The following TTC28 variants were observed in gnomAD, a reference collection of about 807,000 sequenced individuals.
TTC28 encodes the protein tetratricopeptide repeat domain 28, also known as tetratricopeptide repeat protein 28.
TTC28 carries 61 observed loss-of-function variants against 198.0 expected under a neutral mutation model. The observed-to-expected ratio is 0.31, with a 90% confidence interval of 0.25 to 0.38. The LOEUF is 0.38. TTC28 is among the 10% of genes least tolerant of loss of function. The pLI is 1.00. For missense variants in TTC28, 2,678 were observed against 3,164.0 expected, an observed-to-expected ratio of 0.85 and a Z score of 3.69; for synonymous variants, 1,171 against 1,297.8, an observed-to-expected ratio of 0.90 and a Z score of 2.10.
At chr22:28,329,732 C>A (rs576817640) in intron 2 of TTC28, among the ~76,000 whole-genome samples, 2 of 152,160 alleles carry the variant, frequency 1.3e-5, no homozygotes, top group South Asian at 4.2e-4. Context: ...CCAAATGGAC[C>A]AATCTGGGCA....
rs1316261928 is a variant in TTC28, at chr22:28,306,616, G to T, written c.409C>A (p.Gln137Lys). Residue 137 changes from glutamine to lysine, a missense_variant, in exon 3 of 23, where the codon CAG becomes AAG. This residue lies in a region of TTC28 where 176 missense variants were observed against 197.9 expected (regional missense o/e 0.89). Coordinates refer to ENST00000397906, the MANE Select transcript of TTC28 (RefSeq NM_001145418.2). ...KAYFRQGVAL[Q>K]YLGRHADALA... ...GCATCGGCATGACGTCCAAGGTACT[G>T]GAGGGCAACACCCTGTCGGAAGTAT... The T allele has an allele frequency of 6.4e-7, 1 of 1,551,464 alleles. No individual in the cohort carries two copies.
intron 5 of TTC28, among the ~76,000 whole-genome samples, chr22:28,269,586 T>C (rs1369432092): frequency 6.6e-6 from 1 of 152,200 alleles, no homozygotes; most frequent in Admixed American, 6.5e-5. Flanking sequence ...TGAAAAAATA[T>C]CAATTTTACT....
chr22:28,253,990 G>A (rs926926110), intron 5 of TTC28, among the ~76,000 whole-genome samples: 1 of 151,588 alleles, frequency 6.6e-6, no homozygotes, highest in Non-Finnish European at 1.5e-5. Context: ...TTGTAATCCC[G>A]CTACCTGGGA....
chr22:28,508,169 G>A (rs2048638326), intron 2 of TTC28, among the ~76,000 whole-genome samples: 2 of 149,948 alleles, frequency 1.3e-5, no homozygotes, highest in South Asian at 2.1e-4. Context: ...CACATGCAAA[G>A]ACAAACATAG....
At chr22:27,993,646 GC>G in intron 17 of TTC28, 128 bp from the exon 18 acceptor site, 1 of 918,344 alleles carries the variant, frequency 1.1e-6, no homozygotes, top group Non-Finnish European at 1.6e-6. Flanking sequence ...AGCCCACGTG[GC>G]CAGGCCTGAG....
chr22:28,527,284 C>T (rs974959979), intron 2 of TTC28, among the ~76,000 whole-genome samples: 2 of 152,176 alleles, frequency 1.3e-5, no homozygotes, highest in African/African-American at 4.8e-5. Flanking sequence ...ACTCCCTCTC[C>T]CAAAAGTTTG....
chr22:28,108,477 A>G (rs1304482603), intron 6 of TTC28, 74 bp from the exon 7 acceptor site: 29 of 1,280,324 alleles, frequency 2.3e-5, no homozygotes, highest in Non-Finnish European at 2.9e-5. Context: ...TGTAATTTGC[A>G]TCTCAATTTA....
chr22:28,195,639 A>AT (rs1310475770), intron 5 of TTC28, among the ~76,000 whole-genome samples: 1 of 63,742 alleles, frequency 1.6e-5, no homozygotes, highest in Non-Finnish European at 3.2e-5. Flanking sequence ...CTATACACCC[A>AT]TAACAGACAA....
chr22:28,151,219 T>C (rs989207615), intron 6 of TTC28, among the ~76,000 whole-genome samples: 6 of 152,216 alleles, frequency 3.9e-5, no homozygotes, highest in Admixed American at 3.3e-4. Context: ...AATTAAGTAA[T>C]TCATCAAGCC....
At chr22:28,209,496 G>A (rs1450602126) in intron 5 of TTC28, among the ~76,000 whole-genome samples, 2 of 152,166 alleles carry the variant, frequency 1.3e-5, no homozygotes, top group Non-Finnish European at 2.9e-5. Context: ...GATATACTGC[G>A]CCTGGATCAG....
chr22:28,329,420 A>G (rs1411542317), intron 2 of TTC28, among the ~76,000 whole-genome samples: 3 of 152,164 alleles, frequency 2.0e-5, no homozygotes, highest in African/African-American at 7.2e-5. Context: ...TTACATTATC[A>G]TCCTCATTAC....
rs559530516 is a variant in TTC28, at chr22:28,129,391, A to G, written c.1442-20988T>C. ...TTTGTAATGCTCCCCAGGTAACGCC[A>G]AAATGCAGCCACAGCTGAAATCCAC... On this transcript the variant is annotated intron_variant, in intron 6 of 22. Coordinates refer to ENST00000397906, the MANE Select transcript of TTC28 (RefSeq NM_001145418.2). 3.9e-5 allele frequency among the ~76,000 whole-genome samples: 6 copies of G among 152,354 alleles called. No individual in the cohort carries two copies. In the South Asian group the frequency reaches 1.2e-3, roughly 32 times the overall value.
intron 12 of TTC28, among the ~76,000 whole-genome samples, chr22:28,057,934 T>C (rs1417504125): frequency 2.0e-5 from 3 of 152,164 alleles, no homozygotes; most frequent in Non-Finnish European, 2.9e-5. Context: ...GGGCTCTCTA[T>C]TCTGCTCCAT....
At chr22:28,331,459 A>G (rs1459564355) in intron 2 of TTC28, among the ~76,000 whole-genome samples, 1 of 152,178 alleles carries the variant, frequency 6.6e-6, no homozygotes, top group African/African-American at 2.4e-5. Flanking sequence ...CAGAATAGAT[A>G]GCCAATGATT....
intron 1 of TTC28, among the ~76,000 whole-genome samples, chr22:28,635,147 C>T (rs2051248598): frequency 6.6e-6 from 1 of 152,036 alleles, no homozygotes; most frequent in Non-Finnish European, 1.5e-5. Flanking sequence ...CGGTGAAACC[C>T]CATCTCTACT....
chr22:28,388,795 A>G (rs567281293), intron 2 of TTC28, among the ~76,000 whole-genome samples: 10 of 152,318 alleles, frequency 6.6e-5, no homozygotes, highest in African/African-American at 2.4e-4. Flanking sequence ...AAACAGGGAC[A>G]ATTTGACTTC....
chr22:28,289,824 G>A (rs878899405), intron 5 of TTC28, among the ~76,000 whole-genome samples: 1 of 152,204 alleles, frequency 6.6e-6, no homozygotes, highest in East Asian at 1.9e-4. Flanking sequence ...TCAGGAGATC[G>A]AGACCAGCCT....
Position 28,671,683 on chromosome 22 carries a change from A to AT in TTC28, c.102+7938dup, listed in dbSNP as rs369361749. Among the ~76,000 whole-genome samples, 1,227 of 142,274 alleles carry AT rather than the reference A, an allele frequency of 8.6e-3. 12 individuals are homozygous for AT. The highest frequency in any genetic ancestry group is 0.032 in the Admixed American group (449 of 14,146). The allele number at this position is 142,274 out of a possible 152,430, so 93.3% of individuals were successfully genotyped here. ...CTTCCATTATGTGGATTTTGTTTTC[A>AT]TTTTTTTTTTGAGACAGAGTCTTGC... On this transcript the variant is annotated intron_variant, in intron 1 of 22. Coordinates refer to ENST00000397906, the MANE Select transcript of TTC28 (RefSeq NM_001145418.2).
At position 28,533,256 on chromosome 22, in the gene TTC28, C is replaced by T. The variant is rs571561105; in HGVS notation, c.381+96296G>A. Among the ~76,000 whole-genome samples the T allele has an allele frequency of 2.7e-4, 41 of 152,230 alleles. No homozygotes were observed. The South Asian group carries it at 8.1e-3, about 30-fold the overall frequency. Reference sequence around the variant, plus strand: ...TGCAAAAATCACAAGCATTCCTATACACCAATAACAGACAAACAGAGAGCC... The same window carrying T: ...TGCAAAAATCACAAGCATTCCTATATACCAATAACAGACAAACAGAGAGCC... On this transcript the variant is annotated intron_variant, in intron 2 of 22. Coordinates refer to ENST00000397906, the MANE Select transcript of TTC28 (RefSeq NM_001145418.2).
Sources: gnomAD v4.1 joint callset for allele counts (sites outside exome capture counted in the v4.1 genomes callset) on GRCh38, gnomAD v4.1.1 for gene constraint, gnomAD v4.1.1 regional missense constraint, MANE v1.5 for transcripts, NCBI Gene and HGNC (gene_info 2026-07-23, HGNC 2026-07-21) for gene names.